Variants in SF3B2 observed in about 807,000 individuals in gnomAD.
The protein encoded by SF3B2 is splicing factor 3b subunit 2.
A neutral mutation model predicts 116.3 loss-of-function variants in SF3B2; 22 were observed. The ratio of observed to expected loss-of-function variants is 0.19; its 90% CI spans 0.14 to 0.27. The LOEUF is 0.27. Ranked by LOEUF, SF3B2 falls within the 10% of genes least tolerant of loss-of-function variation. The probability of loss-of-function intolerance (pLI) is 1.00; values close to 1 mark genes in which losing one functional copy is unlikely to be tolerated. For synonymous variants in SF3B2, 406 were observed against 421.6 expected, an observed-to-expected ratio of 0.96 and a Z score of 0.45; for missense variants, 767 against 1,151.4, an observed-to-expected ratio of 0.67 and a Z score of 4.83.
chr11:66,053,109 G>A lies in SF3B2; in HGVS notation c.258+5G>A. On this transcript the variant is annotated splice_donor_5th_base_variant and intron_variant, in intron 3 of 21. Transcript: ENST00000322535. Reference sequence around the variant, plus strand: ...CCACCTCCCATGTCGGCACAGGTAGGGAGATTCTTCTGTTTTTTAAGATTC... The same window carrying A: ...CCACCTCCCATGTCGGCACAGGTAGAGAGATTCTTCTGTTTTTTAAGATTC... The A allele has an allele frequency of 1.2e-6, 2 of 1,613,430 alleles. No homozygotes were observed. Among genetic ancestry groups the A allele is most frequent in the South Asian group, 1.1e-5 (1 of 91,064 alleles).
At chr11:66,062,045 C>A (rs1474097520) in intron 16 of SF3B2, 47 bp downstream of exon 16, 2 of 1,377,270 alleles carry the variant, frequency 1.5e-6, no homozygotes, top group East Asian at 2.4e-5. Context: ...TGCTTTTGAA[C>A]TGGAAGGTAA....
Position 66,058,135 on chromosome 11 carries a change from A to T in SF3B2, c.859A>T (p.Met287Leu). The change falls in exon 8 of 22, where the codon ATG becomes TTG. Residue 287 changes from methionine to leucine, a missense_variant. Around this residue, in one of 4 missense-constraint regions of SF3B2, gnomAD observed 455 missense variants for 537.5 expected, o/e 0.85. Coordinates refer to ENST00000322535, the MANE Select transcript of SF3B2 (RefSeq NM_006842.3). ...GCTGAAGGAGAGCCGCCAGGAAGAG[A>T]TGAATTCTCAGCAGGGTGAGTGCCA... is the stretch of plus-strand genomic sequence containing the variant. ...LQLKESRQEEMNSQQEEEEME... is the reference protein window; with the variant it reads ...LQLKESRQEELNSQQEEEEME... The T allele has an allele frequency of 1.2e-6, 2 of 1,609,318 alleles. No homozygotes were observed. The highest frequency in any genetic ancestry group is 2.2e-5 in the South Asian group (2 of 90,408).
At chr11:66,055,000 C>G in intron 3 of SF3B2, 76 bp from the exon 4 acceptor site, 1 of 1,424,858 alleles carries the variant, frequency 7.0e-7, no homozygotes, top group Non-Finnish European at 9.4e-7. Context: ...GCTCCTGACT[C>G]AAAGTAGATC....
chr11:66,054,829 C>T (rs1000122418), intron 3 of SF3B2, among the ~76,000 whole-genome samples: 10 of 152,134 alleles, frequency 6.6e-5, no homozygotes, highest in African/African-American at 2.2e-4. Context: ...TTTGAGTCTC[C>T]TAGAATTGTA....
In SF3B2 at chr11:66,069,175, C is replaced by T. The variant is rs1857245400; in HGVS notation, c.*430C>T. The T allele has an allele frequency of 2.0e-5, 7 of 355,144 alleles. No homozygotes were observed. Among genetic ancestry groups the T allele is most frequent in the South Asian group, 1.5e-4 (7 of 47,848 alleles). 22.0% of individuals were successfully genotyped at this position (355,144 alleles called of 1,614,324 possible). A position where few individuals can be genotyped will look rare whatever the true frequency, so the allele number is the denominator to read the frequency against. On this transcript the variant is annotated 3_prime_UTR_variant, in exon 22 of 22. Coordinates refer to ENST00000322535, the MANE Select transcript of SF3B2 (RefSeq NM_006842.3). ...GAGTAAAAATAGCCAGATTAGCGCC[C>T]TAGCGCGGCAGAGGAAGTAACAGTG...
At chr11:66,054,969 A>T in intron 3 of SF3B2, 107 bp from the exon 4 acceptor site, 1 of 1,066,352 alleles carries the variant, frequency 9.4e-7, no homozygotes, top group Non-Finnish European at 1.3e-6. Context: ...GTAACTATGT[A>T]TCATTTGACT....
chr11:66,059,039 T>C lies in SF3B2; in HGVS notation c.1176T>C (p.Ala392=). 1 of 1,613,882 alleles carries C rather than the reference T, an allele frequency of 6.2e-7. No individual in the cohort carries two copies. Among genetic ancestry groups the C allele is most frequent in the Non-Finnish European group, 8.5e-7 (1 of 1,179,872 alleles). ...TCTTCTTTAAGAGGATCTTTGAGGC[T>C]TTTAAGGTACAAGGAGAGCACACTA... ...NFIFFKRIFE[A]FKLTDDVKKE... The change falls in exon 10 of 22, where the codon GCT becomes GCC. Residue 392 remains alanine (A), a synonymous_variant. Transcript: ENST00000322535. The surrounding 1 kb of genome is among the most constrained non-coding windows in gnomAD (Gnocchi z 5.0).
In SF3B2 at chr11:66,055,113, T is replaced by A; in HGVS notation, c.296T>A (p.Leu99His). 6.5e-7 allele frequency: 1 copy of A among 1,544,940 alleles called. No homozygotes were observed. Among genetic ancestry groups the A allele is most frequent in the Non-Finnish European group, 8.8e-7 (1 of 1,142,266 alleles). ...GIPMPPPPLGLPPLQPPPPPP... is the reference protein window; with the variant it reads ...GIPMPPPPLGHPPLQPPPPPP... ...CCCATGCCACCACCACCTTTGGGAC[T>A]CCCCCCTCTGCAGCCTCCTCCGCCA... Residue 99 changes from leucine to histidine, a missense_variant, in exon 4 of 22, where the codon CTC (leucine) becomes CAC (histidine). Transcript: ENST00000322535.
intron 19 of SF3B2, chr11:66,064,933 G>A (rs1392663578): frequency 2.0e-5 from 3 of 151,990 alleles, no homozygotes; most frequent in East Asian, 3.8e-4. Flanking sequence ...TCTTTGCCAG[G>A]TTTAGGATTC....
At position 66,063,422 on chromosome 11, in the gene SF3B2, T is replaced by C. The variant is rs1857129144; in HGVS notation, c.2108T>C (p.Ile703Thr). The stretch of plus-strand genomic sequence containing the variant: ...CAGACCAAGACTGAGGAAGAAGAGA[T>C]TGATCGGACCCCTTGGGGGGAACTG... ...EFQTKTEEEE[I>T]DRTPWGELEP... Residue 703 changes from isoleucine (I) to threonine (T), a missense_variant, in exon 18 of 22, where the codon ATT (isoleucine) becomes ACT (threonine). Physicochemically the swap from Ile to Thr is moderately conservative, Grantham distance 89. This residue lies in a region of SF3B2 where 282 missense variants were observed against 568.0 expected (regional missense o/e 0.50). Transcript: ENST00000322535. 1 of 1,613,356 alleles carries C rather than the reference T, an allele frequency of 6.2e-7. No individual in the cohort carries two copies. Among genetic ancestry groups the C allele is most frequent in the Non-Finnish European group, 8.5e-7 (1 of 1,179,754 alleles).
intron 21 of SF3B2, 66 bp from the exon 22 acceptor site, chr11:66,068,608 C>A: frequency 1.4e-6 from 2 of 1,388,062 alleles, no homozygotes; most frequent in Non-Finnish European, 2.0e-6. Flanking sequence ...AGGCTGCCCA[C>A]CCTTGTTTTG....
At chr11:66,055,693 C>G in intron 5 of SF3B2, 108 bp downstream of exon 5, 7 of 965,144 alleles carry the variant, frequency 7.3e-6, no homozygotes, top group South Asian at 3.0e-5. Context: ...ACTTTGTTCT[C>G]AACTAAGTTC....
In SF3B2 at chr11:66,058,843, G is replaced by C. The variant is rs756531308; in HGVS notation, c.980G>C (p.Arg327Pro). Residue 327 changes from arginine (R) to proline (P), a missense_variant, in exon 10 of 22, where the codon CGT (arginine) becomes CCT (proline). By Grantham distance (103) the Arg-to-Pro change is moderately radical (BLOSUM62 -2). This residue lies in a region of SF3B2 where 455 missense variants were observed against 537.5 expected (regional missense o/e 0.85). Coordinates refer to ENST00000322535, the MANE Select transcript of SF3B2 (RefSeq NM_006842.3). ...SVSKKEKNRK[R>P]RNRKKKKKPQ... ...TCCTCTTGACAGAAAAACCGGAAGC[G>C]TAGGAACCGAAAGAAGAAGAAAAAG... 1 of 1,610,866 alleles carries C rather than the reference G, an allele frequency of 6.2e-7. No individual in the cohort carries two copies.
chr11:66,053,353 A>C (rs897310879), intron 3 of SF3B2: 1 of 519,022 alleles, frequency 1.9e-6, no homozygotes, highest in Non-Finnish European at 3.5e-6. Flanking sequence ...TGATGCTGAC[A>C]CTTGCCTCCT....
At chr11:66,063,355 G>A (rs1857127931) in intron 17 of SF3B2, 45 bp from the exon 18 acceptor site, 2 of 1,568,706 alleles carry the variant, frequency 1.3e-6, no homozygotes, top group Non-Finnish European at 1.7e-6. Flanking sequence ...GCACATAATA[G>A]GTACTTAGAA....
chr11:66,054,109 G>C lies in SF3B2; in HGVS notation c.259-967G>C, dbSNP rs1856947321. ...AGGCAGGAGAATCACTTGAACCCTG[G>C]AGGTGGACGGTGCAGTGAGCCAAGA... On this transcript the variant is annotated intron_variant, in intron 3 of 21. Coordinates refer to ENST00000322535, the MANE Select transcript of SF3B2 (RefSeq NM_006842.3). 2.8e-5 allele frequency: 4 copies of C among 145,144 alleles called. No individual in the cohort carries two copies. The Admixed American group carries it at 2.8e-4, about 10-fold the overall frequency. The allele number at this position is 145,144 out of a possible 1,614,324, so 9.0% of individuals were successfully genotyped here.
chr11:66,057,900 A>G (rs191649368), intron 7 of SF3B2, among the ~76,000 whole-genome samples, 154 bp from the exon 8 acceptor site: 3,529 of 145,274 alleles, frequency 0.024, 136 homozygotes, highest in African/African-American at 0.084. Flanking sequence ...TGAACCTGGG[A>G]GGCGGAGGTT....
rs1474047390 is a variant in SF3B2, at chr11:66,063,218, C to G, written c.2085+102C>G. ...CAGGGAGTTGTGTGTTCTGACACAG[C>G]AGAGCCTGGAAAAGGGCATACATTT... On this transcript the variant is annotated intron_variant, in intron 17 of 21. Coordinates refer to ENST00000322535, the MANE Select transcript of SF3B2 (RefSeq NM_006842.3). The G allele has an allele frequency of 2.6e-5, 27 of 1,056,008 alleles. No homozygotes were observed. In the Middle Eastern group the frequency reaches 8.4e-4, roughly 33 times the overall value. The allele number at this position is 1,056,008 out of a possible 1,614,324, so 65.4% of individuals were successfully genotyped here.
At position 66,055,544 on chromosome 11, in the gene SF3B2, C is replaced by T. The variant is rs757370236; in HGVS notation, c.508C>T (p.His170Tyr). The T allele has an allele frequency of 6.8e-6, 11 of 1,614,068 alleles. No homozygotes were observed. The highest frequency in any genetic ancestry group is 4.0e-5 in the African/African-American group (3 of 74,926). Reference sequence around the variant, plus strand: ...TGTTTTCTTTTTTAAGCAGGGAGATCATTCGCTGAAGGAACATGAGCTCTT... The same window carrying T: ...TGTTTTCTTTTTTAAGCAGGGAGATTATTCGCTGAAGGAACATGAGCTCTT... Reference protein sequence around the residue: ...QEERAKQQGDHSLKEHELLEQ... With the variant: ...QEERAKQQGDYSLKEHELLEQ... The change falls in exon 5 of 22, where the codon CAT (histidine) becomes TAT (tyrosine). Residue 170 changes from histidine to tyrosine, a missense_variant. Physicochemically the swap from His to Tyr is moderately conservative, Grantham distance 83. Coordinates refer to ENST00000322535, the MANE Select transcript of SF3B2 (RefSeq NM_006842.3).
Sources: gnomAD v4.1 joint callset for allele counts (sites outside exome capture counted in the v4.1 genomes callset) on GRCh38, gnomAD v4.1.1 for gene constraint, gnomAD v4.1.1 regional missense constraint, Gnocchi (gnomAD v3.1) non-coding constraint, MANE v1.5 for transcripts, NCBI Gene and HGNC (gene_info 2026-07-23, HGNC 2026-07-21) for gene names.